WFS1: variants seen among roughly 807,000 people sequenced by gnomAD.
WFS1 encodes the protein wolframin ER transmembrane glycoprotein, also known as wolframin.
A neutral mutation model predicts 68.5 loss-of-function variants in WFS1; 90 were observed. The ratio of observed to expected loss-of-function variants is 1.31; its 90% CI spans 1.11 to 1.56. WFS1 has a LOEUF of 1.56. WFS1 is among the 40% of genes most tolerant of loss of function. The pLI is 0.00. For missense variants in WFS1, 1,767 were observed against 1,232.6 expected (o/e 1.43, Z -6.49); for synonymous variants, 860 against 540.7 (o/e 1.59, Z -8.19).
At chr4:6,291,402 G>T (rs1213251119) in intron 5 of WFS1, 35 bp downstream of exon 5, 1 of 1,607,062 alleles carries the variant, frequency 6.2e-7, no homozygotes, top group South Asian at 1.1e-5. Flanking sequence ...AGCCTTCCCT[G>T]GGCGCCAGCC....
intron 7 of WFS1, among the ~76,000 whole-genome samples, chr4:6,299,583 G>T (rs1450448870): frequency 1.7e-5 from 1 of 59,168 alleles, no homozygotes; most frequent in Non-Finnish European, 3.3e-5. Flanking sequence ...GTGTGTGAAT[G>T]TGTGTGTAGG....
chr4:6,271,704 G>C (rs1729848722), intron 1 of WFS1, among the ~76,000 whole-genome samples: 1 of 152,112 alleles, frequency 6.6e-6, no homozygotes, highest in African/African-American at 2.4e-5. Flanking sequence ...TGCCTGCCCT[G>C]GTTCAGGACC....
Position 6,277,610 on chromosome 4 carries a change from C to T in WFS1, c.155C>T (p.Pro52Leu). 1 of 1,575,884 alleles carries T rather than the reference C, an allele frequency of 6.3e-7. No homozygotes were observed. The highest frequency in any genetic ancestry group is 1.8e-5 in the Admixed American group (1 of 54,902). The change falls in exon 2 of 8, where the codon CCT becomes CTT. Residue 52 changes from proline to leucine, a missense_variant. Coordinates refer to ENST00000226760, the MANE Select transcript of WFS1 (RefSeq NM_006005.3). ...RAPGPQAGPG[P>L]GVRDAAAPAE... The stretch of plus-strand genomic sequence containing the variant: ...CCCGGACCCCAGGCTGGCCCTGGCC[C>T]TGGTGTTAGAGACGCAGCGGCCCCC...
At chr4:6,297,641 C>T (rs754851347) in intron 7 of WFS1, among the ~76,000 whole-genome samples, 18 of 152,152 alleles carry the variant, frequency 1.2e-4, no homozygotes, top group African/African-American at 2.7e-4. Flanking sequence ...GGTGTGGTGA[C>T]GCTGCTTCCT....
chr4:6,291,748 C>A (rs1033185017), intron 5 of WFS1, among the ~76,000 whole-genome samples, 169 bp from the exon 6 acceptor site: 2 of 152,182 alleles, frequency 1.3e-5, no homozygotes, highest in African/African-American at 4.8e-5. Context: ...ACTGGAGGTA[C>A]AGAGGTGTGG....
At chr4:6,284,758 A>G (rs143428284) in intron 2 of WFS1, among the ~76,000 whole-genome samples, 185 of 151,598 alleles carry the variant, frequency 1.2e-3, no homozygotes, top group Non-Finnish European at 1.6e-3. Flanking sequence ...GTTAACGATC[A>G]GATTGAAGCT....
At chr4:6,286,956 C>T (rs1730327567) in intron 2 of WFS1, 137 bp from the exon 3 acceptor site, 1 of 799,800 alleles carries the variant, frequency 1.3e-6, no homozygotes, top group Admixed American at 2.0e-5. Flanking sequence ...GTGTCTGTGT[C>T]TCTCTGTACT....
intron 2 of WFS1, among the ~76,000 whole-genome samples, chr4:6,282,457 T>C (rs1205408256): frequency 6.6e-6 from 1 of 152,184 alleles, no homozygotes; most frequent in Non-Finnish European, 1.5e-5. Flanking sequence ...GGTCAAGGGC[T>C]TGCCCAGGAC....
At chr4:6,275,606 GGGGGGT>G in intron 1 of WFS1, among the ~76,000 whole-genome samples, 1 of 141,074 alleles carries the variant, frequency 7.1e-6, no homozygotes, top group Non-Finnish European at 1.5e-5. Context: ...GGGTGGGGGG[GGGGGGT>G]GTGCTTGACC....
Position 6,277,613 on chromosome 4 carries a change from G to C in WFS1, c.158G>C (p.Gly53Ala). ...GGACCCCAGGCTGGCCCTGGCCCTGGTGTTAGAGACGCAGCGGCCCCCGCT... is the reference window on the plus strand; with the variant it reads ...GGACCCCAGGCTGGCCCTGGCCCTGCTGTTAGAGACGCAGCGGCCCCCGCT... ...APGPQAGPGP[G>A]VRDAAAPAEP... The change falls in exon 2 of 8, where the codon GGT becomes GCT. Residue 53 changes from glycine (G) to alanine (A), a missense_variant. Transcript: ENST00000226760. The C allele has an allele frequency of 1.3e-6, 2 of 1,575,670 alleles. No homozygotes were observed.
In WFS1 at chr4:6,302,360, A is replaced by T. The variant is rs1046316; in HGVS notation, c.2565A>T (p.Ser855=). Reference sequence around the variant, plus strand: ...GCCTCAACTGCATGGCCCAGCTCTCACCCACCAGGCGGCACGTGAAGATCG... The same window carrying T: ...GCCTCAACTGCATGGCCCAGCTCTCTCCCACCAGGCGGCACGTGAAGATCG... The part of the protein sequence containing the change: ...ISCLNCMAQL[S]PTRRHVKIEH... The change falls in exon 8 of 8, where the codon TCA becomes TCT. Residue 855 remains serine (S), a synonymous_variant. Coordinates refer to ENST00000226760, the MANE Select transcript of WFS1 (RefSeq NM_006005.3). 2.4e-5 allele frequency: 38 copies of T among 1,612,838 alleles called. No individual in the cohort carries two copies. The highest frequency in any genetic ancestry group is 1.3e-4 in the East Asian group (6 of 44,884).
In WFS1 at chr4:6,302,522, A is replaced by C. The variant is rs71526455; in HGVS notation, c.*54A>C. 20 of 1,605,364 alleles carry C rather than the reference A, an allele frequency of 1.2e-5. No individual in the cohort carries two copies. Among genetic ancestry groups the C allele is most frequent in the South Asian group, 5.5e-5 (5 of 90,880 alleles). On this transcript the variant is annotated 3_prime_UTR_variant, in exon 8 of 8. Coordinates refer to ENST00000226760, the MANE Select transcript of WFS1 (RefSeq NM_006005.3). ...GCATGTTGCCATGAGGCCTTTCCCCAGTGTGGCCCCAGCCCGACAGGCATG... is the reference window on the plus strand; with the variant it reads ...GCATGTTGCCATGAGGCCTTTCCCCCGTGTGGCCCCAGCCCGACAGGCATG...
chr4:6,296,473 T>G (rs981847500), intron 7 of WFS1, among the ~76,000 whole-genome samples: 4 of 152,224 alleles, frequency 2.6e-5, no homozygotes, highest in African/African-American at 9.6e-5. Context: ...GGCCAAGAAC[T>G]TGAACCAAGG....
At position 6,292,146 on chromosome 4, in the gene WFS1, C is replaced by G. The variant is rs561245184; in HGVS notation, c.712+149C>G. The G allele has an allele frequency of 6.1e-6, 5 of 821,804 alleles. No homozygotes were observed. In the East Asian group the frequency reaches 1.1e-4, roughly 18 times the overall value. 50.9% of individuals were successfully genotyped at this position (821,804 alleles called of 1,614,324 possible). A position where few individuals can be genotyped will look rare whatever the true frequency, so the allele number is the denominator to read the frequency against. On this transcript the variant is annotated intron_variant, in intron 6 of 7. Transcript: ENST00000226760. ...TGCAGGGCGACCTCTCCTTCCTGTG[C>G]GACCCCATCCTGGCCCTGCTAGGAT...
Position 6,289,109 on chromosome 4 carries a change from C to G in WFS1, c.438C>G (p.Arg146=). 6.3e-7 allele frequency: 1 copy of G among 1,580,344 alleles called. No individual in the cohort carries two copies. The highest frequency in any genetic ancestry group is 8.6e-7 in the Non-Finnish European group (1 of 1,163,474). The change falls in exon 4 of 8, where the codon CGC becomes CGG. Residue 146 remains arginine (R), a synonymous_variant. Transcript: ENST00000226760. ...GTCGCGAGGCTGTGAAGCTGCTTCG[C>G]CGGTGCTTGGCGGACAGAAGAGGTG... The part of the protein sequence containing the change: ...QGRREAVKLL[R]RCLADRRGIT...
chr4:6,276,091 C>T (rs901987097), intron 1 of WFS1, among the ~76,000 whole-genome samples: 2 of 152,214 alleles, frequency 1.3e-5, no homozygotes, highest in South Asian at 2.1e-4. Context: ...CCAGCCTCTC[C>T]CTGCTCTGTG....
At chr4:6,290,391 G>T (rs978933425) in intron 4 of WFS1, among the ~76,000 whole-genome samples, 3 of 152,232 alleles carry the variant, frequency 2.0e-5, no homozygotes, top group Non-Finnish European at 4.4e-5. Flanking sequence ...ACCTGGAGGG[G>T]GCTCAGGCGG....
chr4:6,271,505 C>T (rs1227111536), intron 1 of WFS1, among the ~76,000 whole-genome samples: 3 of 152,214 alleles, frequency 2.0e-5, no homozygotes, highest in African/African-American at 4.8e-5. Context: ...CCATCCTTGA[C>T]GGTGGCAATA....
chr4:6,299,135 A>C (rs375016834), intron 7 of WFS1, among the ~76,000 whole-genome samples: 9 of 152,324 alleles, frequency 5.9e-5, no homozygotes, highest in African/African-American at 2.2e-4. Flanking sequence ...CATCCCCTCC[A>C]GTCCCTCTGC....
Sources: allele counts gnomAD v4.1 joint callset (sites outside exome capture counted in the v4.1 genomes callset), GRCh38; gene constraint gnomAD v4.1.1; transcripts MANE v1.5; gene names NCBI Gene and HGNC (gene_info 2026-07-23, HGNC 2026-07-21).